Variants in YY1 observed in about 807,000 individuals in gnomAD.
YY1 encodes the protein transcriptional repressor protein YY1.
Under a neutral mutation model 35.6 loss-of-function variants are expected in YY1, and 2 were observed. The ratio of observed to expected loss-of-function variants is 0.06; its 90% CI spans 0.02 to 0.18. The LOEUF (loss-of-function observed/expected upper bound fraction) is 0.18. Ranked by LOEUF, YY1 falls within the 10% of genes least tolerant of loss-of-function variation. The probability of loss-of-function intolerance (pLI) is 1.00; values close to 1 mark genes in which losing one functional copy is unlikely to be tolerated. For missense variants in YY1, 322 were observed against 573.4 expected, an observed-to-expected ratio of 0.56 and a Z score of 4.48; for synonymous variants, 268 against 238.9, an observed-to-expected ratio of 1.12 and a Z score of -1.12.
intron 1 of YY1, among the ~76,000 whole-genome samples, chr14:100,240,326 G>A (rs1179627955): frequency 6.8e-6 from 1 of 146,912 alleles, no homozygotes; most frequent in Non-Finnish European, 1.5e-5. Context: ...GACGCGGGAG[G>A]TCGTTGGCGG....
In YY1 at chr14:100,277,489, C is replaced by T. The variant is rs750773098; in HGVS notation, c.1134C>T (p.Thr378=). ...TGCGCACACATGTGCGAATCCATAC[C>T]GGAGACAGGCCCTATGTGTGCCCCT... ...FNLRTHVRIH[T]GDRPYVCPFD... is the part of the protein sequence containing the mutation. Residue 378 remains threonine, a synonymous_variant, in exon 5 of 5, where the codon ACC becomes ACT. Coordinates refer to ENST00000262238, the MANE Select transcript of YY1 (RefSeq NM_003403.5). The surrounding 1 kb of genome is among the most constrained non-coding windows in gnomAD (Gnocchi z 5.6). 1.5e-5 allele frequency: 24 copies of T among 1,614,014 alleles called. No individual in the cohort carries two copies. The highest frequency in any genetic ancestry group is 5.5e-5 in the South Asian group (5 of 91,080).
chr14:100,240,593 C>T (rs1351331080), intron 1 of YY1, among the ~76,000 whole-genome samples: 1 of 152,156 alleles, frequency 6.6e-6, no homozygotes. Flanking sequence ...CCCCGGCGGT[C>T]ACGCTCGCCC....
chr14:100,249,961 T>TG (rs1440434350), intron 1 of YY1, among the ~76,000 whole-genome samples: 6 of 151,956 alleles, frequency 3.9e-5, no homozygotes, highest in African/African-American at 1.2e-4. Flanking sequence ...TTAGTAGAGA[T>TG]GGGGTTTCTG....
At chr14:100,254,940 A>ATTTTTTTTTTTTTTT (rs35165026) in intron 1 of YY1, among the ~76,000 whole-genome samples, 31 of 29,582 alleles carry the variant, frequency 1.0e-3, no homozygotes, top group Non-Finnish European at 1.2e-3. Context: ...CGCCCAGCTA[A>ATTTTTTTTTTTTTTT]TTTTTTTTTT....
intron 2 of YY1, chr14:100,264,275 C>T (rs1379952662): frequency 6.6e-6 from 1 of 151,724 alleles, no homozygotes; most frequent in African/African-American, 2.4e-5. Flanking sequence ...CTCCTGGGTT[C>T]AAGCGATTCT....
At chr14:100,275,595 T>C (rs951603995) in intron 3 of YY1, 1 of 152,270 alleles carries the variant, frequency 6.6e-6, no homozygotes, top group African/African-American at 2.4e-5. Flanking sequence ...TTGTACATAT[T>C]TATGGGGTAC....
At chr14:100,240,247 C>G in intron 1 of YY1, among the ~76,000 whole-genome samples, 1 of 108,292 alleles carries the variant, frequency 9.2e-6, no homozygotes, top group Non-Finnish European at 2.4e-5. Flanking sequence ...CCTCGCTCCC[C>G]GCGCCCGCAT....
At chr14:100,265,248 G>C (rs963693989) in intron 2 of YY1, 2 of 152,066 alleles carry the variant, frequency 1.3e-5, no homozygotes, top group Non-Finnish European at 2.9e-5. Context: ...CTTGATGGCA[G>C]GCGCCTGTAA....
At chr14:100,267,914 C>T (rs1198188482) in intron 2 of YY1, among the ~76,000 whole-genome samples, 4 of 152,104 alleles carry the variant, frequency 2.6e-5, no homozygotes, top group African/African-American at 9.7e-5. Context: ...ACCTAGGTGC[C>T]CTGTTTTGTT....
intron 1 of YY1, among the ~76,000 whole-genome samples, chr14:100,242,952 G>A (rs1175184665): frequency 6.6e-6 from 1 of 152,178 alleles, no homozygotes; most frequent in East Asian, 1.9e-4. Flanking sequence ...TGTCTAGCTA[G>A]TGTGGTAGAG....
intron 3 of YY1, among the ~76,000 whole-genome samples, chr14:100,275,307 G>T (rs991218565): frequency 1.3e-5 from 2 of 152,122 alleles, no homozygotes; most frequent in Non-Finnish European, 2.9e-5. Flanking sequence ...TATCACATAG[G>T]TACAGAGAAC....
At chr14:100,250,651 G>A (rs1566771744) in intron 1 of YY1, among the ~76,000 whole-genome samples, 2 of 152,120 alleles carry the variant, frequency 1.3e-5, no homozygotes, top group Non-Finnish European at 2.9e-5. Context: ...GGGGACCACT[G>A]AGTGGTAGTA....
chr14:100,239,543 A>C lies in YY1; in HGVS notation c.299A>C (p.His100Pro). 6.2e-7 allele frequency: 1 copy of C among 1,612,336 alleles called. No individual in the cohort carries two copies. The highest frequency in any genetic ancestry group is 8.5e-7 in the Non-Finnish European group (1 of 1,179,676). ...VTDDPTQVHH[H>P]QEVILVQTRE... is the part of the protein sequence containing the mutation. ...GACGACCCGACCCAGGTGCACCACC[A>C]CCAGGAGGTGATCCTGGTGCAGACG... The change falls in exon 1 of 5, where the codon CAC (histidine) becomes CCC (proline). Residue 100 changes from histidine to proline, a missense_variant. Physicochemically the swap from His to Pro is moderately conservative, Grantham distance 77 (BLOSUM62 -2). Around this residue, in one of 4 missense-constraint regions of YY1, gnomAD observed 137 missense variants for 167.0 expected, o/e 0.82. Coordinates refer to ENST00000262238, the MANE Select transcript of YY1 (RefSeq NM_003403.5).
At chr14:100,267,995 G>A (rs1030916640) in intron 2 of YY1, among the ~76,000 whole-genome samples, 1 of 152,172 alleles carries the variant, frequency 6.6e-6, no homozygotes, top group Non-Finnish European at 1.5e-5. Flanking sequence ...ATTGATGCCC[G>A]GGACTCTGAG....
Position 100,277,314 on chromosome 14 carries a change from T to G in YY1, c.1063-104T>G. 1.4e-6 allele frequency: 2 copies of G among 1,388,088 alleles called. No homozygotes were observed. Among genetic ancestry groups the G allele is most frequent in the Non-Finnish European group, 2.0e-6 (2 of 981,742 alleles). 86.0% of individuals were successfully genotyped at this position (1,388,088 alleles called of 1,614,324 possible). A position where few individuals can be genotyped will look rare whatever the true frequency, so the allele number is the denominator to read the frequency against. ...CACCCAGGGCAGGAATGAAAAGTGT[T>G]TGGTAAAATAAATAGGCTGTTCTCT... On this transcript the variant is annotated intron_variant, in intron 4 of 4. Coordinates refer to ENST00000262238, the MANE Select transcript of YY1 (RefSeq NM_003403.5). The surrounding 1 kb of genome is among the most constrained non-coding windows in gnomAD (Gnocchi z 5.6).
chr14:100,278,713 A>G lies in YY1; in HGVS notation c.*1113A>G, dbSNP rs1269708583. ...ATCCCGAGTTCAGGAACTACCTCAG[A>G]ACACCCCAGGCCAGGTTGGTCATAG... On this transcript the variant is annotated 3_prime_UTR_variant, in exon 5 of 5. Transcript: ENST00000262238. The G allele has an allele frequency of 6.6e-6, 1 of 152,270 alleles. No individual in the cohort carries two copies. Among genetic ancestry groups the G allele is most frequent in the Non-Finnish European group, 1.5e-5 (1 of 68,064 alleles). 9.4% of individuals were successfully genotyped at this position (152,270 alleles called of 1,614,324 possible). A position where few individuals can be genotyped will look rare whatever the true frequency, so the allele number is the denominator to read the frequency against.
At chr14:100,244,403 G>A (rs1198853763) in intron 1 of YY1, among the ~76,000 whole-genome samples, 1 of 122,362 alleles carries the variant, frequency 8.2e-6, no homozygotes. Flanking sequence ...TCGGCTCACT[G>A]CAACCTCCAC....
At chr14:100,261,436 G>A (rs115176789) in intron 1 of YY1, among the ~76,000 whole-genome samples, 1,704 of 152,216 alleles carry the variant, frequency 0.011, 35 homozygotes, top group African/African-American at 0.039. Flanking sequence ...GCAATCCACC[G>A]CCTCGGCCTT....
chr14:100,269,876 T>C (rs891167651), intron 2 of YY1, among the ~76,000 whole-genome samples: 1 of 152,164 alleles, frequency 6.6e-6, no homozygotes, highest in Non-Finnish European at 1.5e-5. Context: ...ATACCACTTA[T>C]AATAACAAAC....
Sources: gnomAD v4.1 joint callset for allele counts (sites outside exome capture counted in the v4.1 genomes callset) on GRCh38, gnomAD v4.1.1 for gene constraint, gnomAD v4.1.1 regional missense constraint, Gnocchi (gnomAD v3.1) non-coding constraint, MANE v1.5 for transcripts, NCBI Gene and HGNC (gene_info 2026-07-23, HGNC 2026-07-21) for gene names.